PLXNC1: variants seen among roughly 807,000 people sequenced by gnomAD.
PLXNC1 encodes the protein plexin C1, also known as plexin-C1.
Under a neutral mutation model 178.2 loss-of-function variants are expected in PLXNC1, and 75 were observed. The observed-to-expected ratio is 0.42, with a 90% confidence interval of 0.35 to 0.51. The LOEUF (loss-of-function observed/expected upper bound fraction) is 0.51, where lower values mean the gene tolerates loss of function less well. Among genes scored for constraint, PLXNC1 ranks in the 20% least tolerant of loss-of-function variants. PLXNC1 has a pLI of 0.02. For missense variants in PLXNC1, 1,503 were observed against 1,984.4 expected (o/e 0.76, Z 4.61); for synonymous variants, 790 against 779.9 (o/e 1.01, Z -0.22).
At position 94,227,214 on chromosome 12, in the gene PLXNC1, C is replaced by G; in HGVS notation, c.1959C>G (p.Asn653Lys). 3 of 1,610,500 alleles carry G rather than the reference C, an allele frequency of 1.9e-6. No homozygotes were observed. The highest frequency in any genetic ancestry group is 1.7e-4 in the Middle Eastern group (1 of 6,050). Residue 653 changes from asparagine to lysine, a missense_variant, in exon 9 of 31, where the codon AAC (asparagine) becomes AAG (lysine). Physicochemically the swap from Asn to Lys is moderately conservative, Grantham distance 94. Transcript: ENST00000258526. ...GAAGACCCAAGGAGAACAAGGGGAA[C>G]AGAACCAACCAGGCTTTACAGGTCA... Reference protein sequence around the residue: ...GGGRPKENKGNRTNQALQVFY... With the variant: ...GGGRPKENKGKRTNQALQVFY...
rs149238330 is a variant in PLXNC1, at chr12:94,260,789, C to G, written c.3399C>G (p.Val1133=). 2 of 1,614,184 alleles carry G rather than the reference C, an allele frequency of 1.2e-6. No homozygotes were observed. Among genetic ancestry groups the G allele is most frequent in the East Asian group, 2.2e-5 (1 of 44,888 alleles). ...TGCTGAGACGCACGGAGTCCGTCGT[C>G]GAAAAACTCCTCACAAACTGGATGT... ...KLMLRRTESV[V]EKLLTNWMSV... Residue 1133 remains valine, a synonymous_variant, in exon 20 of 31, where the codon GTC becomes GTG. Transcript: ENST00000258526. The surrounding 1 kb of genome is among the most constrained non-coding windows in gnomAD (Gnocchi z 4.4).
At chr12:94,169,365 T>TA in intron 2 of PLXNC1, 72 bp downstream of exon 2, 5 of 1,389,458 alleles carry the variant, frequency 3.6e-6, no homozygotes, top group South Asian at 1.2e-5. Context: ...AACATTTTTT[T>TA]AATGCTTCTG....
At chr12:94,171,928 C>G (rs1891839555) in intron 2 of PLXNC1, among the ~76,000 whole-genome samples, 1 of 152,172 alleles carries the variant, frequency 6.6e-6, no homozygotes, top group Admixed American at 6.5e-5. Context: ...TAGGGCAGCT[C>G]AGTAATGCCC....
At chr12:94,227,378 C>A in intron 9 of PLXNC1, 143 bp downstream of exon 9, 2 of 565,190 alleles carry the variant, frequency 3.5e-6, no homozygotes, top group Admixed American at 3.3e-5. Flanking sequence ...GGTTTTTTAA[C>A]CAAGTTTCAC....
rs745388754 is a variant in PLXNC1, at chr12:94,220,102, G to A, written c.1641G>A (p.Gln547=). ...TGGACTCTAGCAGGGAGCTCTGCCA[G>A]AATAAAAGTCAGCCCAACCGGACCT... The part of the protein sequence containing the change: ...KNVDSSRELC[Q]NKSQPNRTCT... The change falls in exon 6 of 31, where the codon CAG becomes CAA. Residue 547 remains glutamine, a synonymous_variant. Transcript: ENST00000258526. 2.5e-6 allele frequency: 4 copies of A among 1,614,036 alleles called. No homozygotes were observed. The East Asian group carries it at 8.9e-5, about 36-fold the overall frequency.
intron 14 of PLXNC1, among the ~76,000 whole-genome samples, chr12:94,251,091 A>G (rs1565831174): frequency 2.5e-5 from 1 of 39,488 alleles, no homozygotes; most frequent in African/African-American, 5.3e-5. Context: ...AATAAAGGGC[A>G]GGCAGGGGCT....
intron 9 of PLXNC1, among the ~76,000 whole-genome samples, chr12:94,234,525 C>T (rs887265093): frequency 6.6e-6 from 1 of 152,182 alleles, no homozygotes; most frequent in East Asian, 1.9e-4. Flanking sequence ...ATTGTGCAGC[C>T]ATTTAAAAAT....
intron 17 of PLXNC1, among the ~76,000 whole-genome samples, chr12:94,256,976 T>A (rs1964864029): frequency 6.6e-6 from 1 of 151,914 alleles, no homozygotes; most frequent in Non-Finnish European, 1.5e-5. Flanking sequence ...GGGAAAGTCA[T>A]AAAAATTGAA....
intron 1 of PLXNC1, 96 bp downstream of exon 1, chr12:94,150,129 G>A: frequency 9.5e-7 from 1 of 1,049,402 alleles, no homozygotes; most frequent in Non-Finnish European, 1.3e-6. Context: ...CGGCGGGGCG[G>A]GGGTACAGCC....
At chr12:94,215,777 A>G (rs1423742394) in intron 5 of PLXNC1, among the ~76,000 whole-genome samples, 2 of 152,174 alleles carry the variant, frequency 1.3e-5, no homozygotes, top group African/African-American at 2.4e-5. Flanking sequence ...GTAATTTCAT[A>G]TTTTACATTA....
chr12:94,149,895 A>T lies in PLXNC1; in HGVS notation c.924A>T (p.Gly308=), dbSNP rs894409742. ...TGGAGGCCCTGGACGTCTGGGCGGG[A>T]GTGTTCAGCGCGGCCGCTGGAGAGG... ...SLVEALDVWA[G]VFSAAAGEGQ... The change falls in exon 1 of 31, where the codon GGA becomes GGT. Residue 308 remains glycine (G), a synonymous_variant. Coordinates refer to ENST00000258526, the MANE Select transcript of PLXNC1 (RefSeq NM_005761.3). The T allele has an allele frequency of 2.0e-5, 31 of 1,588,934 alleles. No homozygotes were observed. Among genetic ancestry groups the T allele is most frequent in the Non-Finnish European group, 2.5e-5 (29 of 1,168,516 alleles).
intron 1 of PLXNC1, among the ~76,000 whole-genome samples, chr12:94,161,284 T>C (rs143834500): frequency 5.3e-5 from 8 of 152,352 alleles, no homozygotes; most frequent in African/African-American, 1.7e-4. Flanking sequence ...TTCCCATCTG[T>C]ATTTTACAGA....
chr12:94,157,649 TACACATAG>T (rs1445524861), intron 1 of PLXNC1, among the ~76,000 whole-genome samples: 6 of 152,262 alleles, frequency 3.9e-5, no homozygotes, highest in Non-Finnish European at 7.3e-5. Context: ...GTTCAATAGC[TACACATAG>T]TGCTTTCCTT....
intron 23 of PLXNC1, among the ~76,000 whole-genome samples, chr12:94,293,115 T>G (rs550785069): frequency 4.6e-5 from 7 of 152,358 alleles, no homozygotes; most frequent in Admixed American, 1.3e-4. Context: ...CTGTCGAGCT[T>G]CTTCTGCTCA....
chr12:94,231,057 G>A (rs1964084030), intron 9 of PLXNC1, among the ~76,000 whole-genome samples: 1 of 151,958 alleles, frequency 6.6e-6, no homozygotes, highest in Admixed American at 6.6e-5. Context: ...TTAATATGAA[G>A]GTACAAGAAA....
chr12:94,265,965 C>T (rs1965213310), intron 21 of PLXNC1, among the ~76,000 whole-genome samples: 1 of 152,152 alleles, frequency 6.6e-6, no homozygotes, highest in African/African-American at 2.4e-5. Flanking sequence ...ATTTTCTATG[C>T]TTTTCTGTTA....
Position 94,259,380 on chromosome 12 carries a change from GTC to G in PLXNC1, c.3126+9_3126+10del. The stretch of plus-strand genomic sequence containing the variant: ...ATCTTCACTGAAGATATGCATGTAA[GTC>G]TCTACGTTTTCATTTTTAGCCCAGT... On this transcript the variant is annotated splice_donor_region_variant and intron_variant, in intron 18 of 30. Transcript: ENST00000258526. The G allele has an allele frequency of 1.9e-6, 3 of 1,589,526 alleles. No individual in the cohort carries two copies. The highest frequency in any genetic ancestry group is 2.6e-6 in the Non-Finnish European group (3 of 1,171,096).
At chr12:94,250,895 G>T (rs756223937) in intron 14 of PLXNC1, among the ~76,000 whole-genome samples, 1 of 152,032 alleles carries the variant, frequency 6.6e-6, no homozygotes, top group Non-Finnish European at 1.5e-5. Flanking sequence ...GGTGTGTACC[G>T]TAGCCCCAGC....
intron 2 of PLXNC1, among the ~76,000 whole-genome samples, chr12:94,171,497 G>A (rs1198881168): frequency 6.6e-6 from 1 of 152,178 alleles, no homozygotes; most frequent in East Asian, 1.9e-4. Flanking sequence ...GGGAATCGAG[G>A]CCCAGAGAAA....
Sources: gnomAD v4.1 joint callset for allele counts (sites outside exome capture counted in the v4.1 genomes callset) on GRCh38, gnomAD v4.1.1 for gene constraint, Gnocchi (gnomAD v3.1) non-coding constraint, MANE v1.5 for transcripts, NCBI Gene and HGNC (gene_info 2026-07-23, HGNC 2026-07-21) for gene names.